Variants in VSTM4 observed in about 807,000 individuals in gnomAD.
The protein encoded by VSTM4 is V-set and transmembrane domain containing 4.
In VSTM4, 20 loss-of-function variants were observed where a neutral mutation model predicts 36.4. That is an observed-to-expected ratio of 0.55 (90% confidence interval 0.39 to 0.80). The LOEUF is 0.80. VSTM4 is among the 30% of genes least tolerant of loss of function. VSTM4 has a pLI of 0.00. For synonymous variants in VSTM4, 182 were observed against 173.9 expected (o/e 1.05, Z -0.37); for missense variants, 392 against 404.5 (o/e 0.97, Z 0.26).
intron 2 of VSTM4, among the ~76,000 whole-genome samples, chr10:49,099,833 C>T (rs771610104): frequency 1.3e-5 from 2 of 152,130 alleles, no homozygotes; most frequent in South Asian, 2.1e-4. Context: ...GTGCTAGAGA[C>T]AGAGCAAAAC....
intron 2 of VSTM4, among the ~76,000 whole-genome samples, chr10:49,100,682 T>A (rs1844650825): frequency 6.6e-6 from 1 of 152,020 alleles, no homozygotes; most frequent in Non-Finnish European, 1.5e-5. Flanking sequence ...CATAACAAAG[T>A]AACCTAAGAA....
chr10:49,085,907 G>C lies in VSTM4; in HGVS notation c.526+48C>G, dbSNP rs778000645. 3.0e-5 allele frequency: 37 copies of C among 1,239,930 alleles called. No individual in the cohort carries two copies. The African/African-American group carries it at 4.0e-4, about 13-fold the overall frequency. The allele number at this position is 1,239,930 out of a possible 1,614,324, so 76.8% of individuals were successfully genotyped here. Reference sequence around the variant, plus strand: ...AGTATAATTTAAAAAAAAAGAAAAAGAAAAAGCAACTATAGAGCAATAAAA... The same window carrying C: ...AGTATAATTTAAAAAAAAAGAAAAACAAAAAGCAACTATAGAGCAATAAAA... On this transcript the variant is annotated intron_variant, in intron 3 of 7. Transcript: ENST00000332853.
At chr10:49,051,194 G>T (rs1008288599) in intron 5 of VSTM4, among the ~76,000 whole-genome samples, 13 of 152,170 alleles carry the variant, frequency 8.5e-5, no homozygotes, top group Non-Finnish European at 1.8e-4. Flanking sequence ...TATCCTCTGT[G>T]CTCTGCCTAT....
intron 2 of VSTM4, among the ~76,000 whole-genome samples, chr10:49,096,013 T>C (rs145179561): frequency 1.4e-3 from 208 of 152,318 alleles, no homozygotes; most frequent in African/African-American, 4.5e-3. Context: ...TTGTTTAAAG[T>C]GGTGTTTAAA....
chr10:49,081,902 T>A (rs924014773), intron 3 of VSTM4, among the ~76,000 whole-genome samples: 1 of 152,216 alleles, frequency 6.6e-6, no homozygotes, highest in Admixed American at 6.5e-5. Flanking sequence ...TCCCCTTGAT[T>A]GAGCAGCAAC....
chr10:49,078,202 G>A (rs972843849), intron 3 of VSTM4, among the ~76,000 whole-genome samples: 3 of 152,220 alleles, frequency 2.0e-5, no homozygotes, highest in Non-Finnish European at 2.9e-5. Flanking sequence ...TCACTCAGAC[G>A]TGGCTGGTGG....
At chr10:49,053,169 C>G (rs1035745499) in intron 5 of VSTM4, among the ~76,000 whole-genome samples, 1 of 152,250 alleles carries the variant, frequency 6.6e-6, no homozygotes, top group Non-Finnish European at 1.5e-5. Flanking sequence ...CGGAAACTCC[C>G]TCTAAATTAG....
At chr10:49,094,154 C>G (rs1313267916) in intron 2 of VSTM4, among the ~76,000 whole-genome samples, 1 of 149,750 alleles carries the variant, frequency 6.7e-6, no homozygotes, top group Non-Finnish European at 1.5e-5. Context: ...GGAGAGGGGC[C>G]AGGGTCAGGG....
intron 5 of VSTM4, among the ~76,000 whole-genome samples, chr10:49,055,635 G>T (rs1263247471): frequency 6.6e-6 from 1 of 152,180 alleles, no homozygotes; most frequent in African/African-American, 2.4e-5. Flanking sequence ...TAGGCTTTTT[G>T]AACTTGCTCC....
At chr10:49,081,532 C>T (rs1413665040) in intron 3 of VSTM4, among the ~76,000 whole-genome samples, 1 of 152,198 alleles carries the variant, frequency 6.6e-6, no homozygotes, top group African/African-American at 2.4e-5. Flanking sequence ...CCCAAGTGTC[C>T]CTAGCAGCAT....
At chr10:49,039,065 C>T (rs1447958390) in intron 7 of VSTM4, among the ~76,000 whole-genome samples, 2 of 152,192 alleles carry the variant, frequency 1.3e-5, no homozygotes, top group Non-Finnish European at 2.9e-5. Flanking sequence ...TGTCTACAAG[C>T]AGGTCACTGA....
rs1188695328 is a variant in VSTM4 at position 49,017,988 on chromosome 10, CAG to C, written c.*1660_*1661del. 1 of 152,164 alleles carries C rather than the reference CAG, an allele frequency of 6.6e-6. No homozygotes were observed. The highest frequency in any genetic ancestry group is 2.4e-5 in the African/African-American group (1 of 41,428). 9.4% of individuals were successfully genotyped at this position (152,164 alleles called of 1,614,324 possible). The stretch of plus-strand genomic sequence containing the variant: ...TTTATTCAGTGCCTTCGAGATCTGG[CAG>C]AGAGGGAGGAATGAGACACAGGTGT... On this transcript the variant is annotated 3_prime_UTR_variant, in exon 8 of 8. Transcript: ENST00000332853.
chr10:49,070,892 C>CTGGG (rs1844066444), intron 4 of VSTM4, among the ~76,000 whole-genome samples: 1 of 152,208 alleles, frequency 6.6e-6, no homozygotes, highest in Non-Finnish European at 1.5e-5. Context: ...CTCAAAGGCC[C>CTGGG]CAGGCCATCC....
chr10:49,054,478 G>C (rs565552459), intron 5 of VSTM4, among the ~76,000 whole-genome samples: 2 of 152,362 alleles, frequency 1.3e-5, no homozygotes, highest in Admixed American at 1.3e-4. Context: ...GCCATCCTGA[G>C]AAGGAAGCGC....
intron 5 of VSTM4, among the ~76,000 whole-genome samples, chr10:49,061,171 T>C (rs1843871249): frequency 6.6e-6 from 1 of 152,200 alleles, no homozygotes; most frequent in Non-Finnish European, 1.5e-5. Flanking sequence ...AAAAAACTGT[T>C]TCCACATTTA....
chr10:49,046,121 C>T (rs1843607423), intron 7 of VSTM4, among the ~76,000 whole-genome samples: 1 of 152,198 alleles, frequency 6.6e-6, no homozygotes, highest in Non-Finnish European at 1.5e-5. Flanking sequence ...GACTCCCAAA[C>T]CATGAGGAAC....
chr10:49,035,524 A>T, intron 7 of VSTM4, among the ~76,000 whole-genome samples: 1 of 152,010 alleles, frequency 6.6e-6, no homozygotes, highest in Admixed American at 6.5e-5. Context: ...GAGCTTAAGG[A>T]GCTCCCCAGT....
chr10:49,074,972 G>A (rs1228321960), intron 4 of VSTM4, among the ~76,000 whole-genome samples: 4 of 152,118 alleles, frequency 2.6e-5, no homozygotes, highest in Admixed American at 6.5e-5. Flanking sequence ...GAGCATTGTC[G>A]CTCTCATCCA....
intron 2 of VSTM4, chr10:49,103,505 A>T: frequency 8.1e-7 from 1 of 1,227,606 alleles, no homozygotes; most frequent in Non-Finnish European, 1.0e-6. Flanking sequence ...ATTGAACTAT[A>T]TTACACTATA....
Sources: allele counts gnomAD v4.1 joint callset (sites outside exome capture counted in the v4.1 genomes callset), GRCh38; gene constraint gnomAD v4.1.1; transcripts MANE v1.5; gene names NCBI Gene and HGNC (gene_info 2026-07-23, HGNC 2026-07-21).